POR: variants seen among roughly 807,000 people sequenced by gnomAD.
POR encodes the protein NADPH--cytochrome P450 reductase.
Under a neutral mutation model 84.0 loss-of-function variants are expected in POR, and 56 were observed. The observed-to-expected ratio is 0.67, with a 90% confidence interval of 0.54 to 0.83. The LOEUF (loss-of-function observed/expected upper bound fraction) is 0.83. Among genes scored for constraint, POR ranks in the 40% least tolerant of loss-of-function variants. The pLI, the probability that POR is intolerant of heterozygous loss-of-function variation, is 0.00. For synonymous variants in POR, 414 were observed against 400.5 expected (o/e 1.03, Z -0.40); for missense variants, 938 against 944.3 (o/e 0.99, Z 0.09).
At chr7:75,981,815 G>A (rs542076333) in intron 7 of POR, 34 of 592,170 alleles carry the variant, frequency 5.7e-5, no homozygotes, top group South Asian at 8.6e-5. Context: ...CCCACCTCTC[G>A]ACAAGGACAC....
chr7:75,917,282 G>A (rs2116168206), intron 1 of POR, among the ~76,000 whole-genome samples: 1 of 151,920 alleles, frequency 6.6e-6, no homozygotes, highest in East Asian at 1.9e-4. Context: ...TGCCCAGGCT[G>A]GTCTCGAATT....
intron 2 of POR, among the ~76,000 whole-genome samples, chr7:75,958,505 A>G (rs1787785387): frequency 6.6e-6 from 1 of 152,148 alleles, no homozygotes; most frequent in Non-Finnish European, 1.5e-5. Flanking sequence ...CATTTTGCGG[A>G]TGAAGAAACC....
At chr7:75,981,306 C>T in intron 6 of POR, 134 bp downstream of exon 6, 1 of 1,350,626 alleles carries the variant, frequency 7.4e-7, no homozygotes, top group Non-Finnish European at 9.8e-7. Context: ...AAGGGGCTCT[C>T]CTGCCTCTGC....
At chr7:75,942,297 C>A (rs1198070929) in intron 1 of POR, among the ~76,000 whole-genome samples, 1 of 152,200 alleles carries the variant, frequency 6.6e-6, no homozygotes, top group South Asian at 2.1e-4. Context: ...ACATCAAAAT[C>A]TGTTGCAAAT....
Position 75,984,524 on chromosome 7 carries a change from G to A in POR, c.1067-253G>A, listed in dbSNP as rs531979376. Reference sequence around the variant, plus strand: ...TGTGCGGTGAAAGCACAGCGGGTGCGTTAGTGTGCAGGGGCTCCCCCGCAC... The same window carrying A: ...TGTGCGGTGAAAGCACAGCGGGTGCATTAGTGTGCAGGGGCTCCCCCGCAC... On this transcript the variant is annotated intron_variant, in intron 10 of 15. Coordinates refer to ENST00000461988, the MANE Select transcript of POR (RefSeq NM_000941.3). Among the ~76,000 whole-genome samples the A allele has an allele frequency of 6.6e-5, 10 of 152,290 alleles. No individual in the cohort carries two copies. In the South Asian group the frequency reaches 1.0e-3, roughly 16 times the overall value.
intron 1 of POR, among the ~76,000 whole-genome samples, chr7:75,949,567 T>G (rs1448676331): frequency 6.6e-6 from 1 of 152,054 alleles, no homozygotes; most frequent in Non-Finnish European, 1.5e-5. Context: ...GGCTGGAGTC[T>G]GGAGTGCAGT....
intron 2 of POR, 85 bp from the exon 3 acceptor site, chr7:75,972,328 C>A: frequency 8.1e-7 from 1 of 1,227,468 alleles, no homozygotes; most frequent in Non-Finnish European, 1.2e-6. Flanking sequence ...CCCATGAAAC[C>A]TGCATCTAAG....
chr7:75,983,868 A>C lies in POR; in HGVS notation c.1066+12A>C. The C allele has an allele frequency of 6.3e-7, 1 of 1,587,622 alleles. No individual in the cohort carries two copies. The highest frequency in any genetic ancestry group is 8.6e-7 in the Non-Finnish European group (1 of 1,165,494). ...GAACAACCTGGATGGTGAGTGCCAC[A>C]GTCAGGGCGCCCTGCCGGGCTCAGG... On this transcript the variant is annotated intron_variant, in intron 10 of 15. Coordinates refer to ENST00000461988, the MANE Select transcript of POR (RefSeq NM_000941.3).
rs180844176 is a variant in POR at position 75,940,052 on chromosome 7, A to G, written c.-4-13937A>G. ...TAGCTGGGACTACAGACCTGAGCCA[A>G]CGCTCCCCACCTCTTTACTCTTATT... On this transcript the variant is annotated intron_variant, in intron 1 of 15. Transcript: ENST00000461988. Among the ~76,000 whole-genome samples, 15 of 151,508 alleles carry G rather than the reference A, an allele frequency of 9.9e-5. No individual in the cohort carries two copies. The East Asian group carries it at 2.9e-3, about 30-fold the overall frequency.
intron 1 of POR, among the ~76,000 whole-genome samples, chr7:75,932,212 CTCTG>C (rs1178358953): frequency 1.4e-5 from 2 of 146,528 alleles, no homozygotes; most frequent in Non-Finnish European, 3.0e-5. Flanking sequence ...CAAATTCTGT[CTCTG>C]TCTGCCCAGG....
At chr7:75,937,331 G>A (rs1306544213) in intron 1 of POR, among the ~76,000 whole-genome samples, 6 of 151,320 alleles carry the variant, frequency 4.0e-5, no homozygotes, top group Non-Finnish European at 7.4e-5. Context: ...AATTAGCCAG[G>A]CATGTTGGCG....
At chr7:75,961,236 AG>A (rs1554554477) in intron 2 of POR, among the ~76,000 whole-genome samples, 1 of 151,194 alleles carries the variant, frequency 6.6e-6, no homozygotes, top group Non-Finnish European at 1.5e-5. Flanking sequence ...AAAAAAAAAA[AG>A]GCAGTATCAA....
At chr7:75,953,941 G>A (rs1179441542) in intron 1 of POR, 48 bp from the exon 2 acceptor site, 10 of 1,454,916 alleles carry the variant, frequency 6.9e-6, no homozygotes, top group South Asian at 4.0e-5. Flanking sequence ...AGCCTCAGGG[G>A]CACCCTGCTA....
At position 75,916,626 on chromosome 7, in the gene POR, C is replaced by T. The variant is rs76412341; in HGVS notation, c.-5+1447C>T. On this transcript the variant is annotated intron_variant, in intron 1 of 15. Coordinates refer to ENST00000461988, the MANE Select transcript of POR (RefSeq NM_000941.3). ...TTATAAAAAGTATTTGTACAACATC[C>T]GCATTTCAGAGAATGGGATGCTAGC... is the stretch of plus-strand genomic sequence containing the variant. Among the ~76,000 whole-genome samples, 429 of 152,232 alleles carry T rather than the reference C, an allele frequency of 2.8e-3. 1 individual carries two copies. The highest frequency in any genetic ancestry group is 8.4e-3 in the African/African-American group (347 of 41,538).
At chr7:75,980,664 C>T in intron 5 of POR, 176 bp downstream of exon 5, 1 of 1,539,996 alleles carries the variant, frequency 6.5e-7, no homozygotes, top group African/African-American at 1.4e-5. Flanking sequence ...ACGAGAATGT[C>T]CCCTCCCTGT....
chr7:75,984,906 C>A lies in POR; in HGVS notation c.1196C>A (p.Pro399His). ...GAGCTGGCGCAGTACGCCTCGGAGCCCTCGGAGCAGGAGCTGCTGCGCAAG... is the reference window on the plus strand; with the variant it reads ...GAGCTGGCGCAGTACGCCTCGGAGCACTCGGAGCAGGAGCTGCTGCGCAAG... The change falls in exon 11 of 16, where the codon CCC (proline) becomes CAC (histidine). Residue 399 changes from proline (P) to histidine (H), a missense_variant. Pro to His is a moderately conservative substitution (Grantham distance 77). Transcript: ENST00000461988. 6.2e-7 allele frequency: 1 copy of A among 1,610,922 alleles called. No homozygotes were observed. Among genetic ancestry groups the A allele is most frequent in the Non-Finnish European group, 8.5e-7 (1 of 1,178,570 alleles).
chr7:75,922,323 T>G (rs1459487288), intron 1 of POR, among the ~76,000 whole-genome samples: 1 of 149,230 alleles, frequency 6.7e-6, no homozygotes, highest in African/African-American at 2.5e-5. Flanking sequence ...TCTGTAGTTT[T>G]TTTTTTTTTT....
rs782141946 is a variant in POR at position 75,980,644 on chromosome 7, C to T, written c.516+156C>T. 263 of 1,557,884 alleles carry T rather than the reference C, an allele frequency of 1.7e-4. 1 individual carries two copies. Among genetic ancestry groups the T allele is most frequent in the Non-Finnish European group, 2.1e-4 (240 of 1,157,238 alleles). Reference sequence around the variant, plus strand: ...GTGAGACCCTCTCCTCTGCCCCAGACCCCAGCACTACGAGAATGTCCCCTC... The same window carrying T: ...GTGAGACCCTCTCCTCTGCCCCAGATCCCAGCACTACGAGAATGTCCCCTC... On this transcript the variant is annotated intron_variant, in intron 5 of 15. Coordinates refer to ENST00000461988, the MANE Select transcript of POR (RefSeq NM_000941.3).
intron 1 of POR, among the ~76,000 whole-genome samples, chr7:75,945,078 C>T (rs1489177976): frequency 6.6e-6 from 1 of 152,006 alleles, no homozygotes; most frequent in African/African-American, 2.4e-5. Flanking sequence ...CTCAGGAGTT[C>T]ATTACCAGAC....
Sources: allele counts gnomAD v4.1 joint callset (sites outside exome capture counted in the v4.1 genomes callset), GRCh38; gene constraint gnomAD v4.1.1; transcripts MANE v1.5; gene names NCBI Gene and HGNC (gene_info 2026-07-23, HGNC 2026-07-21).